SVIL: variants seen among roughly 807,000 people sequenced by gnomAD.
SVIL encodes supervillin, also known as archvillin.
A neutral mutation model predicts 240.4 loss-of-function variants in SVIL; 101 were observed. That is an observed-to-expected ratio of 0.42 (90% CI 0.36 to 0.50). The LOEUF is 0.50. SVIL is among the 20% of genes least tolerant of loss of function. The pLI is 0.01. For synonymous variants in SVIL, 999 were observed against 1,100.0 expected, an observed-to-expected ratio of 0.91 and a Z score of 1.82; for missense variants, 2,512 against 2,818.7, an observed-to-expected ratio of 0.89 and a Z score of 2.46.
intron 1 of SVIL, among the ~76,000 whole-genome samples, chr10:29,584,162 C>T (rs763788730): frequency 7.9e-5 from 12 of 152,174 alleles, no homozygotes; most frequent in Non-Finnish European, 1.0e-4. Flanking sequence ...CCCTCACCTC[C>T]GTGCCAGGAA....
At position 29,622,811 on chromosome 10, in the gene SVIL, C is replaced by T. The variant is rs561123653; in HGVS notation, c.-201+11609G>A. ...CCCTAGTTCCCCAAACCACTCTGTC[C>T]CGGAATTCAAAGCACCTCCATGCAA... On this transcript the variant is annotated intron_variant, in intron 1 of 37. Coordinates refer to ENST00000355867, the MANE Select transcript of SVIL (RefSeq NM_021738.3). 1.4e-4 allele frequency among the ~76,000 whole-genome samples: 22 copies of T among 152,294 alleles called. No homozygotes were observed. The South Asian group carries it at 4.6e-3, about 32-fold the overall frequency.
At chr10:29,730,332 A>T (rs1221099762) in intron 1 of SVIL, among the ~76,000 whole-genome samples, 1 of 152,218 alleles carries the variant, frequency 6.6e-6, no homozygotes, top group Non-Finnish European at 1.5e-5. Flanking sequence ...GAAGCTGTAG[A>T]AGAAGATGAG....
intron 33 of SVIL, 114 bp from the exon 34 acceptor site, chr10:29,465,864 G>A (rs1944848718): frequency 1.5e-6 from 2 of 1,356,044 alleles, no homozygotes; most frequent in Admixed American, 2.3e-5. Context: ...ACACAGGTAG[G>A]ATTTATCTGA....
At chr10:29,476,584 G>T (rs560151597) in intron 29 of SVIL, among the ~76,000 whole-genome samples, 6 of 151,750 alleles carry the variant, frequency 4.0e-5, no homozygotes, top group Non-Finnish European at 8.8e-5. Context: ...TTATTTTTTT[G>T]TATAAACAAG....
At position 29,529,804 on chromosome 10, in the gene SVIL, C is replaced by T. The variant is rs148902382; in HGVS notation, c.2147G>A (p.Arg716Gln). 35 of 1,612,650 alleles carry T rather than the reference C, an allele frequency of 2.2e-5. No homozygotes were observed. The highest frequency in any genetic ancestry group is 3.4e-5 in the Admixed American group (2 of 59,650). Reference sequence around the variant, plus strand: ...CTCCACAGCTGTGTTTCTTGAGCGTCGCTTTGGAACATTTTGTTCATCAAA... The same window carrying T: ...CTCCACAGCTGTGTTTCTTGAGCGTTGCTTTGGAACATTTTGTTCATCAAA... ...KSFDEQNVPK[R>Q]RSRNTAVEQR... Residue 716 changes from arginine (R) to glutamine (Q), a missense_variant, in exon 12 of 38, where the codon CGA becomes CAA. Arg to Gln is a conservative substitution (Grantham distance 43). This residue lies in a region of SVIL where 1,443 missense variants were observed against 1,486.6 expected (regional missense o/e 0.97). Transcript: ENST00000355867.
upstream of SVIL, among the ~76,000 whole-genome samples, chr10:29,637,193 A>G (rs920002256): frequency 1.3e-5 from 2 of 152,176 alleles, no homozygotes; most frequent in African/African-American, 4.8e-5. Context: ...GAAAAAGAAG[A>G]AAAAAGTTAG....
At chr10:29,620,954 T>A (rs1037992353) in intron 1 of SVIL, among the ~76,000 whole-genome samples, 1 of 151,690 alleles carries the variant, frequency 6.6e-6, no homozygotes, top group African/African-American at 2.4e-5. Context: ...TAAATTTGAT[T>A]TTTTATTCTT....
At chr10:29,480,512 GA>G in intron 29 of SVIL, 24 bp downstream of exon 29, 1 of 1,606,834 alleles carries the variant, frequency 6.2e-7, no homozygotes, top group African/African-American at 1.3e-5. Context: ...CTTTCAGCTG[GA>G]AAAAACCACA....
intron 1 of SVIL, among the ~76,000 whole-genome samples, chr10:29,721,073 C>T (rs528750996): frequency 2.3e-4 from 35 of 152,256 alleles, no homozygotes; most frequent in Non-Finnish European, 4.4e-4. Context: ...GTCTCAAACT[C>T]CTGGCCTCAA....
intron 8 of SVIL, 51 bp from the exon 9 acceptor site, chr10:29,532,223 A>C (rs1951422686): frequency 8.2e-6 from 13 of 1,589,110 alleles, no homozygotes; most frequent in Non-Finnish European, 1.1e-5. Flanking sequence ...GAAGACAGAG[A>C]AAGAGAAGAT....
In SVIL at chr10:29,458,607, G is replaced by A; in HGVS notation, c.6403-18C>T. ...TCCGTGTCCTAGAGAAGAGGAGGGG[G>A]CAGAGAGGAGAGCTCGTGTCCTACA... is the stretch of plus-strand genomic sequence containing the variant. On this transcript the variant is annotated intron_variant, in intron 36 of 37. Transcript: ENST00000355867. 8 of 1,609,602 alleles carry A rather than the reference G, an allele frequency of 5.0e-6. No homozygotes were observed. The highest frequency in any genetic ancestry group is 6.8e-6 in the Non-Finnish European group (8 of 1,178,476).
rs766266982 is a variant in SVIL at position 29,551,305 on chromosome 10, A to T, written c.161-42T>A. On this transcript the variant is annotated intron_variant, in intron 5 of 37. Transcript: ENST00000355867. ...TGGATGAGAGGTGCAGATTTCAAGTAAAGACATGTATTTACACACAGAATG... is the reference window on the plus strand; with the variant it reads ...TGGATGAGAGGTGCAGATTTCAAGTTAAGACATGTATTTACACACAGAATG... 2.0e-5 allele frequency: 30 copies of T among 1,520,814 alleles called. No individual in the cohort carries two copies. In the African/African-American group the frequency reaches 3.0e-4, roughly 15 times the overall value. The allele number at this position is 1,520,814 out of a possible 1,614,324, so 94.2% of individuals were successfully genotyped here. A position where few individuals can be genotyped will look rare whatever the true frequency, so the allele number is the denominator to read the frequency against.
intron 2 of SVIL, among the ~76,000 whole-genome samples, chr10:29,665,671 G>A (rs1959229966): frequency 6.6e-6 from 1 of 152,070 alleles, no homozygotes; most frequent in Admixed American, 6.6e-5. Context: ...GCGGACGCCT[G>A]TAGTCCCAGC....
intron 6 of SVIL, among the ~76,000 whole-genome samples, chr10:29,547,039 G>A (rs1260606573): frequency 6.6e-6 from 1 of 152,130 alleles, no homozygotes; most frequent in African/African-American, 2.4e-5. Context: ...TTCATATACA[G>A]TTATTTAGGT....
At chr10:29,582,030 T>C (rs1955965147) in intron 1 of SVIL, among the ~76,000 whole-genome samples, 1 of 152,090 alleles carries the variant, frequency 6.6e-6, no homozygotes, top group African/African-American at 2.4e-5. Flanking sequence ...CAGAGACAGA[T>C]AGTAGAAGGG....
rs139438638 is a variant in SVIL, at chr10:29,522,571, T to C, written c.3228A>G (p.Gln1076=). Residue 1076 remains glutamine (Q), a synonymous_variant, in exon 16 of 38, where the codon CAA becomes CAG. Transcript: ENST00000355867. ...TGTAAGKTIA[Q]TTAPVSWKPQ... is the part of the protein sequence containing the mutation. ...GCTTCCAGGACACGGGGGCTGTGGT[T>C]TGAGCAATAGTTTTCCCAGCAGCTG... The C allele has an allele frequency of 4.3e-5, 69 of 1,614,202 alleles. No homozygotes were observed. The African/African-American group carries it at 7.6e-4, about 18-fold the overall frequency.
intron 32 of SVIL, 45 bp from the exon 33 acceptor site, chr10:29,467,920 G>A: frequency 6.3e-7 from 1 of 1,594,574 alleles, no homozygotes; most frequent in African/African-American, 1.3e-5. Context: ...TCTGGAGAGT[G>A]CTGGTGACCC....
At chr10:29,727,740 CAAAAAAAA>C (rs10607348) in intron 1 of SVIL, among the ~76,000 whole-genome samples, 3 of 129,878 alleles carry the variant, frequency 2.3e-5, no homozygotes, top group Admixed American at 1.5e-4. Flanking sequence ...GTCGTGAACA[CAAAAAAAA>C]AAAAAAAAGA....
At chr10:29,734,100 A>G (rs1964767689) in intron 1 of SVIL, among the ~76,000 whole-genome samples, 1 of 152,262 alleles carries the variant, frequency 6.6e-6, no homozygotes, top group Non-Finnish European at 1.5e-5. Context: ...CGTGCTGTGT[A>G]GAATTCCTGA....
Sources: gnomAD v4.1 joint callset for allele counts (sites outside exome capture counted in the v4.1 genomes callset) on GRCh38, gnomAD v4.1.1 for gene constraint, gnomAD v4.1.1 regional missense constraint, MANE v1.5 for transcripts, NCBI Gene and HGNC (gene_info 2026-07-23, HGNC 2026-07-21) for gene names.